CLOCK: variants seen among roughly 807,000 people sequenced by gnomAD.
CLOCK encodes the protein clock circadian regulator.
CLOCK carries 43 observed loss-of-function variants against 118.4 expected under a neutral mutation model. That is an observed-to-expected ratio of 0.36 (90% CI 0.28 to 0.47). The LOEUF (loss-of-function observed/expected upper bound fraction) is 0.47. Ranked by LOEUF, CLOCK falls within the 20% of genes least tolerant of loss-of-function variation. The pLI is 1.00. For synonymous variants in CLOCK, 326 were observed against 339.2 expected, an observed-to-expected ratio of 0.96 and a Z score of 0.43; for missense variants, 846 against 999.9, an observed-to-expected ratio of 0.85 and a Z score of 2.08.
rs565029695 is a variant in CLOCK, at chr4:55,546,903, C to T, written c.-411G>A. 6.6e-6 allele frequency: 1 copy of T among 152,136 alleles called. No individual in the cohort carries two copies. Among genetic ancestry groups the T allele is most frequent in the Non-Finnish European group, 1.5e-5 (1 of 68,032 alleles). 9.4% of individuals were successfully genotyped at this position (152,136 alleles called of 1,614,324 possible). On this transcript the variant is annotated 5_prime_UTR_variant, in exon 1 of 23. Coordinates refer to ENST00000513440, the MANE Select transcript of CLOCK (RefSeq NM_004898.4). ...TTGCGCCCCCTCCCGGCGCATGCGTCGTCAGCGACCCCGCGGGCTCAGACG... is the reference window on the plus strand; with the variant it reads ...TTGCGCCCCCTCCCGGCGCATGCGTTGTCAGCGACCCCGCGGGCTCAGACG...
chr4:55,545,574 C>A (rs7691799), intron 1 of CLOCK: 51,382 of 151,990 alleles, frequency 0.34, 9,385 homozygotes, highest in East Asian at 0.58. Context: ...GCCTTAAAGT[C>A]TAATAGCACG....
At chr4:55,457,893 C>G (rs182486516) in intron 11 of CLOCK, among the ~76,000 whole-genome samples, 1 of 152,082 alleles carries the variant, frequency 6.6e-6, no homozygotes, top group African/African-American at 2.4e-5. Context: ...AATGAGGGAT[C>G]GTAATGGCAT....
At chr4:55,470,374 C>G (rs1726048668) in intron 8 of CLOCK, among the ~76,000 whole-genome samples, 2 of 152,140 alleles carry the variant, frequency 1.3e-5, no homozygotes, top group African/African-American at 4.8e-5. Context: ...AGATTGTAGT[C>G]TAAGAGCAAC....
At chr4:55,453,615 A>G (rs1234867720) in intron 14 of CLOCK, 62 bp downstream of exon 14, 3 of 1,479,844 alleles carry the variant, frequency 2.0e-6, no homozygotes, top group Non-Finnish European at 2.8e-6. Context: ...CATAAAAGTT[A>G]CAATGCCAAA....
chr4:55,448,718 A>T, intron 18 of CLOCK, 61 bp downstream of exon 18: 2 of 1,420,594 alleles, frequency 1.4e-6, no homozygotes, highest in Middle Eastern at 1.8e-4. Flanking sequence ...AAAAAATTAC[A>T]TTAGCTTAAA....
intron 5 of CLOCK, among the ~76,000 whole-genome samples, chr4:55,479,401 G>T (rs1377585218): frequency 6.6e-6 from 1 of 152,028 alleles, no homozygotes; most frequent in Non-Finnish European, 1.5e-5. Context: ...GTAATTATCT[G>T]CTTTGAAGTC....
chr4:55,539,162 G>C (rs1451304115), intron 1 of CLOCK, among the ~76,000 whole-genome samples: 1 of 152,058 alleles, frequency 6.6e-6, no homozygotes, highest in African/African-American at 2.4e-5. Flanking sequence ...TTGAACCCAG[G>C]AGGCAGAAGC....
chr4:55,433,859 G>A lies in CLOCK; in HGVS notation c.*1556C>T, dbSNP rs1459091978. The A allele has an allele frequency of 6.6e-6, 1 of 152,092 alleles. No individual in the cohort carries two copies. Among genetic ancestry groups the A allele is most frequent in the Non-Finnish European group, 1.5e-5 (1 of 68,018 alleles). 9.4% of individuals were successfully genotyped at this position (152,092 alleles called of 1,614,324 possible). On this transcript the variant is annotated 3_prime_UTR_variant, in exon 23 of 23. Transcript: ENST00000513440. ...TACAATATTCTAATGTTGTAGTGAA[G>A]GCATAGCCAAATCCCTACCCCTTCT...
At chr4:55,500,016 T>C (rs1728334209) in intron 2 of CLOCK, among the ~76,000 whole-genome samples, 1 of 152,086 alleles carries the variant, frequency 6.6e-6, no homozygotes, top group Non-Finnish European at 1.5e-5. Flanking sequence ...TATGGCAATG[T>C]AATTTTACAA....
chr4:55,522,514 AG>A (rs1729910184), intron 1 of CLOCK, among the ~76,000 whole-genome samples: 1 of 151,816 alleles, frequency 6.6e-6, no homozygotes, highest in African/African-American at 2.4e-5. Flanking sequence ...TAAAAAAAAA[AG>A]AAGCATAAAG....
chr4:55,544,515 G>A (rs937024126), intron 1 of CLOCK, among the ~76,000 whole-genome samples: 7 of 152,110 alleles, frequency 4.6e-5, no homozygotes, highest in African/African-American at 1.7e-4. Context: ...AAAGATAAAT[G>A]CCTGTGACCT....
At chr4:55,515,756 T>C (rs1729470807) in intron 1 of CLOCK, among the ~76,000 whole-genome samples, 1 of 152,224 alleles carries the variant, frequency 6.6e-6, no homozygotes, top group Non-Finnish European at 1.5e-5. Context: ...TGTAGTTTCC[T>C]AAGGCAGAAA....
At chr4:55,495,847 G>C (rs1728033317) in intron 2 of CLOCK, among the ~76,000 whole-genome samples, 1 of 151,944 alleles carries the variant, frequency 6.6e-6, no homozygotes, top group African/African-American at 2.4e-5. Flanking sequence ...GGGATAGCAT[G>C]TGATCCACCT....
chr4:55,488,155 G>A (rs536895973), intron 3 of CLOCK, among the ~76,000 whole-genome samples: 14 of 152,038 alleles, frequency 9.2e-5, no homozygotes, highest in Non-Finnish European at 1.8e-4. Context: ...TGATGTAGAC[G>A]ACCACTTCTG....
At position 55,453,044 on chromosome 4, in the gene CLOCK, A is replaced by G. The variant is rs141393811; in HGVS notation, c.1206+10T>C. On this transcript the variant is annotated intron_variant, in intron 15 of 22. Coordinates refer to ENST00000513440, the MANE Select transcript of CLOCK (RefSeq NM_004898.4). Reference sequence around the variant, plus strand: ...TTAAAAATAATTTTTTTTAATTATAAGAAACATACTTTGTCAGCAGCTGTC... The same window carrying G: ...TTAAAAATAATTTTTTTTAATTATAGGAAACATACTTTGTCAGCAGCTGTC... 6.2e-4 allele frequency: 987 copies of G among 1,589,514 alleles called. 6 individuals are homozygous for G. In the African/African-American group the frequency reaches 0.012, roughly 19 times the overall value.
At chr4:55,516,160 A>C (rs1315189742) in intron 1 of CLOCK, among the ~76,000 whole-genome samples, 1 of 152,158 alleles carries the variant, frequency 6.6e-6, no homozygotes, top group African/African-American at 2.4e-5. Context: ...GCTTGAGAAG[A>C]ATGTGTATTG....
chr4:55,506,933 TAG>T (rs1728841846), intron 2 of CLOCK, among the ~76,000 whole-genome samples: 1 of 152,208 alleles, frequency 6.6e-6, no homozygotes, highest in Admixed American at 6.5e-5. Flanking sequence ...ATTCTTAGAT[TAG>T]AGGTTTATAT....
intron 1 of CLOCK, among the ~76,000 whole-genome samples, chr4:55,544,324 C>T (rs1431053564): frequency 6.6e-6 from 1 of 152,006 alleles, no homozygotes. Context: ...TGTTCACATC[C>T]TCCTCATAAT....
intron 1 of CLOCK, among the ~76,000 whole-genome samples, chr4:55,540,004 TTAA>T (rs1425859660): frequency 4.5e-4 from 50 of 111,128 alleles, no homozygotes; most frequent in African/African-American, 1.8e-3. Context: ...TCCAATGATA[TTAA>T]TTTTTTTTTT....
Sources: gnomAD v4.1 joint callset for allele counts (sites outside exome capture counted in the v4.1 genomes callset) on GRCh38, gnomAD v4.1.1 for gene constraint, MANE v1.5 for transcripts, NCBI Gene and HGNC (gene_info 2026-07-23, HGNC 2026-07-21) for gene names.